FGF13: variants seen among roughly 807,000 people sequenced by gnomAD.
FGF13 encodes the protein fibroblast growth factor 13, also known as fibroblast growth factor homologous factor 2.
FGF13 carries 2 observed loss-of-function variants against 19.5 expected under a neutral mutation model. That is an observed-to-expected ratio of 0.10 (90% CI 0.04 to 0.32). The LOEUF is 0.32. FGF13 is among the 10% of genes least tolerant of loss of function. The pLI, the probability that FGF13 is intolerant of heterozygous loss-of-function variation, is 1.00. For missense variants in FGF13, 113 were observed against 192.7 expected (o/e 0.59, Z 2.45); for synonymous variants, 72 against 76.9 (o/e 0.94, Z 0.33).
At chrX:138,781,001 G>T (rs1421172128) in intron 3 of FGF13, among the ~76,000 whole-genome samples, 1 of 111,246 alleles carries the variant, frequency 9.0e-6, no homozygotes, top group Non-Finnish European at 1.9e-5. Context: ...TAGAACTCAG[G>T]ATTAATAATC....
intron 3 of FGF13, among the ~76,000 whole-genome samples, chrX:138,767,252 AATAATCTCACTC>A (rs1569387791): frequency 8.9e-6 from 1 of 112,119 alleles, no homozygotes; most frequent in Non-Finnish European, 1.9e-5. Flanking sequence ...AAATAAAATA[AATAATCTCACTC>A]ATATTTTTAT....
In FGF13 at chrX:139,129,574, G is replaced by A. The variant is rs186673494; in HGVS notation, c.-113+73842C>T. ...CCCCAAAAGATGACAGATCTCTTGCGTCTGAAAAGACCCAAAGCAGCAAAA... is the reference window on the plus strand; with the variant it reads ...CCCCAAAAGATGACAGATCTCTTGCATCTGAAAAGACCCAAAGCAGCAAAA... On this transcript the variant is annotated intron_variant, in intron 1 of 2. Coordinates refer to the FGF13 transcript ENST00000421460. 1.1e-4 allele frequency among the ~76,000 whole-genome samples: 12 copies of A among 111,528 alleles called. No homozygotes were observed. The East Asian group carries it at 2.8e-3, about 26-fold the overall frequency.
chrX:138,920,587 A>C (rs916671883), intron 1 of FGF13, among the ~76,000 whole-genome samples: 1 of 111,822 alleles, frequency 8.9e-6, no homozygotes, highest in African/African-American at 3.2e-5. Flanking sequence ...GCAACATCAA[A>C]TCATATCATC....
chrX:139,065,598 G>C, intron 1 of FGF13, among the ~76,000 whole-genome samples: 1 of 110,150 alleles, frequency 9.1e-6, no homozygotes, highest in Non-Finnish European at 1.9e-5. Flanking sequence ...TAATGGTAAA[G>C]GGATCAATAC....
rs1448957395 is a variant in FGF13 at position 138,620,751 on chromosome X, C to T, written c.*12099G>A. The T allele has an allele frequency of 4.5e-5, 5 of 111,370 alleles. 1 individual carries two copies. The highest frequency in any genetic ancestry group is 9.4e-5 in the Non-Finnish European group (5 of 53,049). The allele number at this position is 111,370 out of a possible 1,213,427, so 9.2% of individuals were successfully genotyped here. A position where few individuals can be genotyped will look rare whatever the true frequency, so the allele number is the denominator to read the frequency against. ...GCTATCTATAAGATAGTCACTTTAG[C>T]TGCAAGGACACGTATAAACTGAAAG... On this transcript the variant is annotated 3_prime_UTR_variant, in exon 5 of 5. Coordinates refer to ENST00000315930, the MANE Select transcript of FGF13 (RefSeq NM_004114.5).
At chrX:139,070,932 A>T (rs769028792) in intron 1 of FGF13, among the ~76,000 whole-genome samples, 70 of 111,010 alleles carry the variant, frequency 6.3e-4, no homozygotes, top group African/African-American at 2.1e-3. Context: ...GTGGGAGTTG[A>T]ACAATGAGAA....
intron 3 of FGF13, among the ~76,000 whole-genome samples, chrX:138,840,222 T>C (rs775844171): frequency 1.4e-4 from 16 of 112,182 alleles, no homozygotes; most frequent in Non-Finnish European, 3.0e-4. Flanking sequence ...GCTGTAGAAA[T>C]ATTAGAGATC....
intron 1 of FGF13, among the ~76,000 whole-genome samples, chrX:139,190,189 T>A (rs1174604284): frequency 2.7e-5 from 3 of 111,126 alleles, no homozygotes; most frequent in Non-Finnish European, 5.7e-5. Flanking sequence ...TGCCATGGAG[T>A]CAGTGAAAGG....
intron 1 of FGF13, among the ~76,000 whole-genome samples, chrX:139,066,538 A>T (rs1482551256): frequency 2.7e-5 from 3 of 111,932 alleles, no homozygotes; most frequent in African/African-American, 6.5e-5. Flanking sequence ...CCTCTACACG[A>T]ATAAACTAGA....
At chrX:139,070,454 C>T (rs1418876539) in intron 1 of FGF13, among the ~76,000 whole-genome samples, 3 of 111,910 alleles carry the variant, frequency 2.7e-5, no homozygotes, top group Non-Finnish European at 3.8e-5. Flanking sequence ...GTTAGAATGG[C>T]GATCATTAAA....
chrX:138,987,262 C>T (rs1047708902), intron 1 of FGF13, among the ~76,000 whole-genome samples: 16 of 111,715 alleles, frequency 1.4e-4, no homozygotes, highest in African/African-American at 4.2e-4. Flanking sequence ...TTAAGTATTC[C>T]GATCTCCCTG....
At chrX:138,694,386 T>C (rs2089869635) in intron 3 of FGF13, among the ~76,000 whole-genome samples, 1 of 111,197 alleles carries the variant, frequency 9.0e-6, no homozygotes, top group African/African-American at 3.3e-5. Flanking sequence ...TGCCAGATCA[T>C]ATTTTTTATG....
Position 138,620,101 on chromosome X carries a change from T to C in FGF13, c.*12749A>G, listed in dbSNP as rs996993295. 1.8e-5 allele frequency: 2 copies of C among 111,577 alleles called. No individual in the cohort carries two copies. The highest frequency in any genetic ancestry group is 6.5e-5 in the African/African-American group (2 of 30,668). 9.2% of individuals were successfully genotyped at this position (111,577 alleles called of 1,213,427 possible). ...TCAATGATACAGTGGATAAAGAAAATGTGGCACATATACACCATGGGATAC... is the reference window on the plus strand; with the variant it reads ...TCAATGATACAGTGGATAAAGAAAACGTGGCACATATACACCATGGGATAC... On this transcript the variant is annotated 3_prime_UTR_variant, in exon 5 of 5. Coordinates refer to ENST00000315930, the MANE Select transcript of FGF13 (RefSeq NM_004114.5).
rs1284333158 is a variant in FGF13, at chrX:139,135,667, G to A, written c.-113+67749C>T. ...GATTGCAAATATCTATACAACCTTA[G>A]TTTCCTGACTCTATGTGCCATGTTT... On this transcript the variant is annotated intron_variant, in intron 1 of 2. Transcript: ENST00000421460. 2.7e-5 allele frequency among the ~76,000 whole-genome samples: 3 copies of A among 111,680 alleles called. No individual in the cohort carries two copies. The Admixed American group carries it at 2.9e-4, about 11-fold the overall frequency.
At chrX:138,878,683 G>A (rs1342784094) in intron 1 of FGF13, among the ~76,000 whole-genome samples, 1 of 106,912 alleles carries the variant, frequency 9.4e-6, no homozygotes, top group East Asian at 2.9e-4. Flanking sequence ...GGGATGGCTG[G>A]GTCAAATGGT....
At chrX:138,807,872 A>G (rs1659886403) in intron 3 of FGF13, among the ~76,000 whole-genome samples, 1 of 112,234 alleles carries the variant, frequency 8.9e-6, no homozygotes, top group African/African-American at 3.2e-5. Context: ...AAAGGAATCA[A>G]TTCAACAAGA....
At chrX:138,923,098 A>C (rs2091655163) in intron 1 of FGF13, among the ~76,000 whole-genome samples, 1 of 112,521 alleles carries the variant, frequency 8.9e-6, no homozygotes, top group Admixed American at 9.4e-5. Flanking sequence ...TTGAAATAAA[A>C]ATACATTTCT....
At chrX:139,126,418 CT>C (rs991146003) in intron 1 of FGF13, among the ~76,000 whole-genome samples, 4 of 111,259 alleles carry the variant, frequency 3.6e-5, no homozygotes, top group Non-Finnish European at 5.7e-5. Context: ...GTTCCTGCCC[CT>C]ATCAAAGTAC....
At chrX:139,098,458 C>T (rs1244362262) in intron 1 of FGF13, among the ~76,000 whole-genome samples, 2 of 111,131 alleles carry the variant, frequency 1.8e-5, no homozygotes, top group Non-Finnish European at 3.8e-5. Context: ...ATAGTAAAGA[C>T]GTGGAATCAA....
Sources: allele counts gnomAD v4.1 joint callset (sites outside exome capture counted in the v4.1 genomes callset), GRCh38; gene constraint gnomAD v4.1.1; transcripts MANE v1.5; gene names NCBI Gene and HGNC (gene_info 2026-07-23, HGNC 2026-07-21).